Variants in PEAK1 observed in about 807,000 individuals in gnomAD.
PEAK1 encodes inactive tyrosine-protein kinase PEAK1.
Under a neutral mutation model 124.7 loss-of-function variants are expected in PEAK1, and 54 were observed. The observed-to-expected ratio is 0.43, with a 90% CI of 0.35 to 0.54. The LOEUF (loss-of-function observed/expected upper bound fraction) is 0.54. Among genes scored for constraint, PEAK1 ranks in the 20% least tolerant of loss-of-function variants. PEAK1 has a pLI of 0.01. For missense variants in PEAK1, 2,046 were observed against 2,134.5 expected (o/e 0.96, Z 0.82); for synonymous variants, 719 against 760.0 (o/e 0.95, Z 0.89).
Position 77,115,151 on chromosome 15 carries a change from C to T in PEAK1, c.4246G>A (p.Asp1416Asn), listed in dbSNP as rs1270007590. 1.2e-6 allele frequency: 2 copies of T among 1,614,000 alleles called. No individual in the cohort carries two copies. Among genetic ancestry groups the T allele is most frequent in the African/African-American group, 2.7e-5 (2 of 74,898 alleles). ...TCTTCTTCAGTCTCTTCCATGTCAT[C>T]CTCATCCTTTTCAGGGTCATCTGGA... ...EDPDDPEKDE[D>N]DMEETEEDAK... The change falls in exon 10 of 10, where the codon GAT becomes AAT. Residue 1416 changes from aspartate (D) to asparagine (N), a missense_variant. Coordinates refer to ENST00000682557, the MANE Select transcript of PEAK1 (RefSeq NM_001385026.1).
At chr15:77,304,288 A>G (rs1005121067) in intron 2 of PEAK1, among the ~76,000 whole-genome samples, 5 of 152,138 alleles carry the variant, frequency 3.3e-5, no homozygotes, top group African/African-American at 9.7e-5. Context: ...ACATCACAAC[A>G]ATATTATTTC....
intron 9 of PEAK1, among the ~76,000 whole-genome samples, chr15:77,124,386 G>A (rs2052192274): frequency 1.3e-5 from 2 of 152,140 alleles, no homozygotes; most frequent in Non-Finnish European, 1.5e-5. Context: ...TGGTTCCTGG[G>A]GTTCTTTCAA....
chr15:77,146,711 G>C (rs967182077), intron 8 of PEAK1, among the ~76,000 whole-genome samples: 4 of 152,132 alleles, frequency 2.6e-5, no homozygotes, highest in African/African-American at 9.7e-5. Flanking sequence ...GCATCTAAAT[G>C]AGCTAAAACT....
At chr15:77,345,758 C>T in intron 2 of PEAK1, 1 of 345,600 alleles carries the variant, frequency 2.9e-6, no homozygotes, top group Non-Finnish European at 4.1e-6. Context: ...TCCCAACACA[C>T]ACAAAAAGAT....
At chr15:77,164,010 A>G (rs2055886952) in intron 7 of PEAK1, among the ~76,000 whole-genome samples, 1 of 152,220 alleles carries the variant, frequency 6.6e-6, no homozygotes, top group Admixed American at 6.5e-5. Flanking sequence ...CATGAAAAGG[A>G]GAGTTCAAAG....
chr15:77,380,655 T>A (rs959192154), intron 1 of PEAK1, among the ~76,000 whole-genome samples: 2 of 151,972 alleles, frequency 1.3e-5, no homozygotes, highest in Non-Finnish European at 2.9e-5. Flanking sequence ...ATTTTTGTAC[T>A]TAGTGTAGAG....
chr15:77,396,722 A>G (rs2070916491), intron 1 of PEAK1, among the ~76,000 whole-genome samples: 1 of 152,216 alleles, frequency 6.6e-6, no homozygotes. Context: ...GCAATTAGAT[A>G]TAACAATTGC....
intron 6 of PEAK1, among the ~76,000 whole-genome samples, chr15:77,206,068 T>C (rs964068651): frequency 8.4e-6 from 1 of 118,354 alleles, no homozygotes; most frequent in Non-Finnish European, 1.7e-5. Context: ...TGAGTGAGAA[T>C]ATGCGGTGTT....
intron 6 of PEAK1, among the ~76,000 whole-genome samples, chr15:77,227,176 G>A (rs2059715146): frequency 1.3e-5 from 2 of 152,164 alleles, no homozygotes; most frequent in South Asian, 4.1e-4. Context: ...TTACTAGACT[G>A]GAAAAACAAA....
Position 77,338,152 on chromosome 15 carries a change from T to C in PEAK1, c.-603+27011A>G, listed in dbSNP as rs987137760. On this transcript the variant is annotated intron_variant, in intron 2 of 9. Coordinates refer to ENST00000682557, the MANE Select transcript of PEAK1 (RefSeq NM_001385026.1). ...GTGACAGATTAGCATGGACAATTAA[T>C]ACAGCAGACAATGGGAGTAGCCTTC... The C allele has an allele frequency of 5.9e-5, 57 of 963,936 alleles. No homozygotes were observed. In the African/African-American group the frequency reaches 9.0e-4, roughly 15 times the overall value. 59.7% of individuals were successfully genotyped at this position (963,936 alleles called of 1,614,324 possible). A position where few individuals can be genotyped will look rare whatever the true frequency, so the allele number is the denominator to read the frequency against.
chr15:77,414,145 T>C (rs1047179708), intron 1 of PEAK1, among the ~76,000 whole-genome samples: 1 of 146,670 alleles, frequency 6.8e-6, no homozygotes, highest in East Asian at 1.9e-4. Flanking sequence ...CTTTTCTTTC[T>C]TTCCTTCCTT....
chr15:77,210,513 G>C (rs745555375), intron 6 of PEAK1, among the ~76,000 whole-genome samples: 7 of 152,192 alleles, frequency 4.6e-5, no homozygotes, highest in Non-Finnish European at 7.3e-5. Flanking sequence ...TTTTAAACCA[G>C]AAAACTTTTG....
At position 77,271,863 on chromosome 15, in the gene PEAK1, C is replaced by A. The variant is rs369445805; in HGVS notation, c.-275+12020G>T. Among the ~76,000 whole-genome samples the A allele has an allele frequency of 9.9e-5, 15 of 151,930 alleles. No homozygotes were observed. In the East Asian group the frequency reaches 2.3e-3, roughly 24 times the overall value. On this transcript the variant is annotated intron_variant, in intron 5 of 9. Transcript: ENST00000682557. ...AGTTAATGGGTGCAGCACACCAACA[C>A]GGCACATGTATACATATGTAACAAA...
In PEAK1 at chr15:77,181,229, C is replaced by T. The variant is rs373828526; in HGVS notation, c.698G>A (p.Gly233Asp). ...GRFCYPEFSS[G>D]EESEEDVLFS... The stretch of plus-strand genomic sequence containing the variant: ...AAGTACATCCTCTTCACTCTCCTCG[C>T]CACTGGAAAACTCTGGGTAACAGAA... Residue 233 changes from glycine (G) to aspartate (D), a missense_variant, in exon 7 of 10, where the codon GGC (glycine) becomes GAC (aspartate). Coordinates refer to ENST00000682557, the MANE Select transcript of PEAK1 (RefSeq NM_001385026.1). 16 of 1,613,812 alleles carry T rather than the reference C, an allele frequency of 9.9e-6. No homozygotes were observed. Among genetic ancestry groups the T allele is most frequent in the Non-Finnish European group, 1.3e-5 (15 of 1,179,988 alleles).
rs1480339031 is a variant in PEAK1 at position 77,179,246 on chromosome 15, G to A, written c.2681C>T (p.Thr894Ile). 1 of 1,614,044 alleles carries A rather than the reference G, an allele frequency of 6.2e-7. No individual in the cohort carries two copies. The highest frequency in any genetic ancestry group is 1.3e-5 in the African/African-American group (1 of 74,914). Residue 894 changes from threonine to isoleucine, a missense_variant, in exon 7 of 10, where the codon ACC becomes ATC. Thr to Ile is a moderately conservative substitution (Grantham distance 89). Coordinates refer to ENST00000682557, the MANE Select transcript of PEAK1 (RefSeq NM_001385026.1). ...NLLQRHFTNW[T>I]KPTSPTRSTE... ...TGACCTGGTAGGGCTGGTTGGCTTGGTCCAGTTGGTGAAATGCCTCTGCAA... is the reference window on the plus strand; with the variant it reads ...TGACCTGGTAGGGCTGGTTGGCTTGATCCAGTTGGTGAAATGCCTCTGCAA...
intron 8 of PEAK1, among the ~76,000 whole-genome samples, chr15:77,148,292 G>GT (rs1241952073): frequency 2.6e-5 from 4 of 151,876 alleles, no homozygotes; most frequent in Admixed American, 6.6e-5. Flanking sequence ...CCAGTTGAGT[G>GT]TTTTTTTTAA....
chr15:77,403,533 T>G lies in PEAK1; in HGVS notation c.-666+16473A>C, dbSNP rs1283154700. 3.1e-6 allele frequency: 3 copies of G among 971,454 alleles called. No homozygotes were observed. The African/African-American group carries it at 5.3e-5, about 17-fold the overall frequency. The allele number at this position is 971,454 out of a possible 1,614,324, so 60.2% of individuals were successfully genotyped here. A position where few individuals can be genotyped will look rare whatever the true frequency, so the allele number is the denominator to read the frequency against. The stretch of plus-strand genomic sequence containing the variant: ...CAAGCACAGTAATAATAGCTTCCAC[T>G]GGTAGCATATTTATTTAGAAAGTTC... On this transcript the variant is annotated intron_variant, in intron 1 of 9. Transcript: ENST00000682557.
At chr15:77,137,979 C>A (rs770300902) in intron 8 of PEAK1, among the ~76,000 whole-genome samples, 2 of 152,138 alleles carry the variant, frequency 1.3e-5, no homozygotes, top group African/African-American at 4.8e-5. Flanking sequence ...GTAAGTCTCA[C>A]AAGATCTGAC....
At chr15:77,231,672 C>T (rs1405358035) in intron 6 of PEAK1, among the ~76,000 whole-genome samples, 1 of 152,044 alleles carries the variant, frequency 6.6e-6, no homozygotes, top group African/African-American at 2.4e-5. Flanking sequence ...AATATAGATT[C>T]AAACCTCCAG....
Sources: gnomAD v4.1 joint callset for allele counts (sites outside exome capture counted in the v4.1 genomes callset) on GRCh38, gnomAD v4.1.1 for gene constraint, MANE v1.5 for transcripts, NCBI Gene and HGNC (gene_info 2026-07-23, HGNC 2026-07-21) for gene names.